IARS2: variants seen among roughly 807,000 people sequenced by gnomAD.
The protein encoded by IARS2 is isoleucine--tRNA ligase, mitochondrial.
In IARS2, 56 loss-of-function variants were observed where a neutral mutation model predicts 126.3. The ratio of observed to expected loss-of-function variants is 0.44; its 90% CI spans 0.36 to 0.55. IARS2 has a LOEUF of 0.55. Ranked by LOEUF, IARS2 falls within the 20% of genes least tolerant of loss-of-function variation. IARS2 has a pLI of 0.00. For synonymous variants in IARS2, 407 were observed against 441.1 expected (o/e 0.92, Z 0.97); for missense variants, 1,127 against 1,245.9 (o/e 0.90, Z 1.44).
rs148461080 is a variant in IARS2, at chr1:220,103,455, T to C, written c.959T>C (p.Val320Ala). 138 of 1,591,764 alleles carry C rather than the reference T, an allele frequency of 8.7e-5. No individual in the cohort carries two copies. Among genetic ancestry groups the C allele is most frequent in the Non-Finnish European group, 1.1e-4 (125 of 1,160,338 alleles). The change falls in exon 8 of 23, where the codon GTT becomes GCT. Residue 320 changes from valine (V) to alanine (A), a missense_variant. Transcript: ENST00000366922. ...VCYMPESKYA[V>A]VKCSKSGDLY... is the part of the protein sequence containing the mutation. ...CTAAAATTTTATGTTAGGTATGCTG[T>C]TGTGAAATGTTCTAAGTCTGGAGAC...
chr1:220,143,918 TCCACGGGGC>T, intron 21 of IARS2: 1 of 947,828 alleles, frequency 1.1e-6, no homozygotes, highest in Admixed American at 2.0e-5. Context: ...TAATTTTTTT[TCCACGGGGC>T]ATTTTATTTG....
At chr1:220,121,751 A>T (rs1436975272) in intron 12 of IARS2, among the ~76,000 whole-genome samples, 1 of 152,120 alleles carries the variant, frequency 6.6e-6, no homozygotes, top group Non-Finnish European at 1.5e-5. Context: ...GGCCAAGAAT[A>T]TGAAAAAGAG....
intron 18 of IARS2, among the ~76,000 whole-genome samples, chr1:220,139,856 G>A (rs1313984003): frequency 3.3e-5 from 5 of 152,136 alleles, no homozygotes; most frequent in African/African-American, 4.8e-5. Context: ...AAATAAATGA[G>A]GCATAAATGA....
intron 21 of IARS2, 142 bp downstream of exon 21, chr1:220,143,276 T>C (rs939463626): frequency 4.4e-6 from 2 of 453,178 alleles, no homozygotes; most frequent in Non-Finnish European, 7.6e-6. Context: ...TTATGTTCCT[T>C]TTCACATACT....
chr1:220,125,221 G>T lies in IARS2; in HGVS notation c.1641-16G>T. 1 of 1,478,534 alleles carries T rather than the reference G, an allele frequency of 6.8e-7. No individual in the cohort carries two copies. The highest frequency in any genetic ancestry group is 1.7e-5 in the Admixed American group (1 of 58,064). The allele number at this position is 1,478,534 out of a possible 1,614,324, so 91.6% of individuals were successfully genotyped here. A position where few individuals can be genotyped will look rare whatever the true frequency, so the allele number is the denominator to read the frequency against. ...ATAGTTAATTGAATAATTCTGCCAT[G>T]TCCCCCCTGAAATAGCCAAACCACT... On this transcript the variant is annotated splice_polypyrimidine_tract_variant and intron_variant, in intron 12 of 22. Coordinates refer to ENST00000366922, the MANE Select transcript of IARS2 (RefSeq NM_018060.4).
chr1:220,096,216 C>A lies in IARS2; in HGVS notation c.380C>A (p.Ala127Asp). The A allele has an allele frequency of 6.4e-7, 1 of 1,570,454 alleles. No homozygotes were observed. Among genetic ancestry groups the A allele is most frequent in the Non-Finnish European group, 8.6e-7 (1 of 1,159,446 alleles). The change falls in exon 2 of 23, where the codon GCT becomes GAT. Residue 127 changes from alanine (A) to aspartate (D), a missense_variant. By Grantham distance (126) the Ala-to-Asp change is moderately radical (BLOSUM62 -2). Transcript: ENST00000366922. ...YANGDPHVGH[A>D]LNKILKDIAN... Reference sequence around the variant, plus strand: ...AACGGTGACCCTCATGTTGGACATGCTTTAAATAAGGTAACTATAATTTAG... The same window carrying A: ...AACGGTGACCCTCATGTTGGACATGATTTAAATAAGGTAACTATAATTTAG...
rs1657111897 is a variant in IARS2 at position 220,124,495 on chromosome 1, G to A, written c.1641-742G>A. ...TATTTTGCCAACTGCTGTATCTCTA[G>A]TGCCTGTGCCCAGGACACAGGAGGT... is the stretch of plus-strand genomic sequence containing the variant. On this transcript the variant is annotated intron_variant, in intron 12 of 22. Coordinates refer to ENST00000366922, the MANE Select transcript of IARS2 (RefSeq NM_018060.4). Among the ~76,000 whole-genome samples the A allele has an allele frequency of 2.6e-5, 4 of 152,170 alleles. No homozygotes were observed. The South Asian group carries it at 8.3e-4, about 31-fold the overall frequency.
At chr1:220,117,465 G>T (rs1656949411) in intron 12 of IARS2, among the ~76,000 whole-genome samples, 1 of 151,958 alleles carries the variant, frequency 6.6e-6, no homozygotes, top group South Asian at 2.1e-4. Flanking sequence ...CTCCCAAAGT[G>T]CTGGGATTAC....
chr1:220,101,830 C>T (rs1380011207), intron 3 of IARS2, among the ~76,000 whole-genome samples: 7 of 151,928 alleles, frequency 4.6e-5, no homozygotes, highest in Non-Finnish European at 1.0e-4. Context: ...GAAACCCCGT[C>T]TCTACTAAAA....
At chr1:220,096,022 C>A in intron 1 of IARS2, 82 bp from the exon 2 acceptor site, 1 of 726,920 alleles carries the variant, frequency 1.4e-6, no homozygotes, top group Non-Finnish European at 2.2e-6. Context: ...TGGAAATAAG[C>A]AAGTGTTGGC....
At chr1:220,146,153 T>C (rs1384063590) in intron 22 of IARS2, among the ~76,000 whole-genome samples, 1 of 152,222 alleles carries the variant, frequency 6.6e-6, no homozygotes, top group African/African-American at 2.4e-5. Flanking sequence ...ATTTTGTCGA[T>C]ATTTGTTTTA....
At position 220,100,476 on chromosome 1, in the gene IARS2, T is replaced by C. The variant is rs1363482182; in HGVS notation, c.391-14T>C. On this transcript the variant is annotated splice_polypyrimidine_tract_variant and intron_variant, in intron 2 of 22. Coordinates refer to ENST00000366922, the MANE Select transcript of IARS2 (RefSeq NM_018060.4). ...TTTTATGTATGAATGATAATTATCA[T>C]TTTATCTTTGCAGATTTTGAAAGAC... 5.0e-6 allele frequency: 8 copies of C among 1,586,290 alleles called. No individual in the cohort carries two copies. The highest frequency in any genetic ancestry group is 1.8e-5 in the Admixed American group (1 of 56,544).
Position 220,140,212 on chromosome 1 carries a change from T to G in IARS2, c.2337T>G (p.Phe779Leu), listed in dbSNP as rs200678559. 2.5e-5 allele frequency: 40 copies of G among 1,612,756 alleles called. No homozygotes were observed. The East Asian group carries it at 8.5e-4, about 34-fold the overall frequency. Reference protein sequence around the residue: ...KITELYKQYDFGKVVRLLRTF... With the variant: ...KITELYKQYDLGKVVRLLRTF... ...CCGAATTATACAAACAATATGATTT[T>G]GGAAAAGTTGTTCGGCTGTTACGGA... Residue 779 changes from phenylalanine (F) to leucine (L), a missense_variant, in exon 19 of 23, where the codon TTT becomes TTG. Transcript: ENST00000366922.
rs937715736 is a variant in IARS2, at chr1:220,141,371, G to A, written c.2415-432G>A. Among the ~76,000 whole-genome samples the A allele has an allele frequency of 3.9e-5, 6 of 152,266 alleles. No homozygotes were observed. In the South Asian group the frequency reaches 1.0e-3, roughly 26 times the overall value. On this transcript the variant is annotated intron_variant, in intron 19 of 22. Coordinates refer to ENST00000366922, the MANE Select transcript of IARS2 (RefSeq NM_018060.4). ...TCTGTTGCTCCAGTGTGCAGGTGAC[G>A]GTCCTACCTTCATGGTAATGAGTCC...
intron 11 of IARS2, among the ~76,000 whole-genome samples, chr1:220,111,764 A>G (rs549592314): frequency 3.2e-4 from 48 of 152,140 alleles, no homozygotes; most frequent in African/African-American, 1.1e-3. Context: ...TGGCCTGGCA[A>G]TTTGGGGTCC....
In IARS2 at chr1:220,103,499, G is replaced by A. The variant is rs767301893; in HGVS notation, c.1003G>A (p.Asp335Asn). ...KSGDLYVLAADKVASVASTLE... is the reference protein window; with the variant it reads ...KSGDLYVLAANKVASVASTLE... ...TGGAGACCTCTACGTACTGGCGGCA[G>A]ATAAAGTAGCATCTGTTGCTTCTAC... Residue 335 changes from aspartate (D) to asparagine (N), a missense_variant, in exon 8 of 23, where the codon GAT becomes AAT. Transcript: ENST00000366922. 15 of 1,613,656 alleles carry A rather than the reference G, an allele frequency of 9.3e-6. No homozygotes were observed. The highest frequency in any genetic ancestry group is 1.1e-5 in the Non-Finnish European group (13 of 1,179,640).
intron 20 of IARS2, among the ~76,000 whole-genome samples, chr1:220,142,659 T>C (rs1010804527): frequency 6.6e-6 from 1 of 152,216 alleles, no homozygotes; most frequent in African/African-American, 2.4e-5. Flanking sequence ...ATGTTACTCC[T>C]GATAGCTGTT....
chr1:220,106,357 CTGTT>C (rs1286077447), intron 9 of IARS2, among the ~76,000 whole-genome samples: 1 of 152,036 alleles, frequency 6.6e-6, no homozygotes, highest in East Asian at 1.9e-4. Flanking sequence ...CTGAAAAAGC[CTGTT>C]TGTTTTAGCT....
chr1:220,103,965 G>A (rs985742969), intron 8 of IARS2, among the ~76,000 whole-genome samples: 117 of 152,262 alleles, frequency 7.7e-4, no homozygotes, highest in African/African-American at 2.8e-3. Flanking sequence ...TTCTATCAAA[G>A]GAATTTTATT....
Sources: gnomAD v4.1 joint callset for allele counts (sites outside exome capture counted in the v4.1 genomes callset) on GRCh38, gnomAD v4.1.1 for gene constraint, MANE v1.5 for transcripts, NCBI Gene and HGNC (gene_info 2026-07-23, HGNC 2026-07-21) for gene names.